ZNF85: variants seen among roughly 807,000 people sequenced by gnomAD.
The protein encoded by ZNF85 is zinc finger protein 85 (HPF4, HTF1).
In ZNF85, 50 loss-of-function variants were observed where a neutral mutation model predicts 53.9. The ratio of observed to expected loss-of-function variants is 0.93; its 90% CI spans 0.74 to 1.17. The LOEUF (loss-of-function observed/expected upper bound fraction) is 1.17, where lower values mean the gene tolerates loss of function less well. Ranked by LOEUF, ZNF85 falls within the 50% of genes most tolerant of loss-of-function variation. The pLI, the probability that ZNF85 is intolerant of heterozygous loss-of-function variation, is 0.00. For synonymous variants in ZNF85, 225 were observed against 226.1 expected (o/e 1.00, Z 0.04); for missense variants, 747 against 688.5 (o/e 1.08, Z -0.95).
intron 2 of ZNF85, 109 bp from the exon 3 acceptor site, chr19:20,934,840 G>A (rs570017638): frequency 3.8e-5 from 20 of 532,940 alleles, no homozygotes; most frequent in Non-Finnish European, 6.1e-6. Flanking sequence ...ATTTGAAAAT[G>A]TCTGTTATAA....
intron 1 of ZNF85, among the ~76,000 whole-genome samples, chr19:20,932,142 A>G (rs1973038071): frequency 6.6e-6 from 1 of 152,170 alleles, no homozygotes; most frequent in African/African-American, 2.4e-5. Flanking sequence ...TTAAAGACAT[A>G]TTCTCAACAT....
At position 20,950,432 on chromosome 19, in the gene ZNF85, A is replaced by G. The variant is rs938070662; in HGVS notation, c.*130A>G. On this transcript the variant is annotated 3_prime_UTR_variant, in exon 4 of 4. Transcript: ENST00000328178. ...ACACCTCAGACTTATAAAAGTAATC[A>G]TACTGGTGAGAAATTCTAAAAATGT... The G allele has an allele frequency of 1.3e-5, 8 of 632,174 alleles. No individual in the cohort carries two copies. Among genetic ancestry groups the G allele is most frequent in the East Asian group, 8.9e-5 (3 of 33,736 alleles). The allele number at this position is 632,174 out of a possible 1,614,324, so 39.2% of individuals were successfully genotyped here.
chr19:20,950,174 AC>A lies in ZNF85; in HGVS notation c.1661del (p.Thr554IlefsTer33). 6.2e-7 allele frequency: 1 copy of A among 1,613,346 alleles called. No homozygotes were observed. On this transcript the variant is annotated frameshift_variant, in exon 4 of 4. Transcript: ENST00000328178. LOFTEE classifies it high-confidence loss of function. ...GKAFNQSSNL[T>X]KHKRIHTGEK... ...AGCCTTTAACCAGTCCTCAAACCTT[AC>A]TAAACATAAGAGAATTCATACTGGA... is the stretch of plus-strand genomic sequence containing the variant.
chr19:20,934,578 G>A (rs1413323380), intron 2 of ZNF85, among the ~76,000 whole-genome samples: 2 of 151,930 alleles, frequency 1.3e-5, no homozygotes, highest in Non-Finnish European at 2.9e-5. Context: ...GACCATCCTG[G>A]CTAACACGGT....
At chr19:20,933,178 G>T (rs1419553545) in intron 1 of ZNF85, among the ~76,000 whole-genome samples, 1 of 140,952 alleles carries the variant, frequency 7.1e-6, no homozygotes, top group East Asian at 2.1e-4. Flanking sequence ...GGGCAGCAGA[G>T]CGAGACTCCG....
rs1342366035 is a variant in ZNF85 at position 20,950,034 on chromosome 19, A to G, written c.1520A>G (p.Glu507Gly). The G allele has an allele frequency of 1.9e-6, 3 of 1,612,960 alleles. No homozygotes were observed. Among genetic ancestry groups the G allele is most frequent in the Non-Finnish European group, 2.5e-6 (3 of 1,179,752 alleles). The change falls in exon 4 of 4, where the codon GAG becomes GGG. Residue 507 changes from glutamate (E) to glycine (G), a missense_variant. Transcript: ENST00000328178. ...LTIHKIIHTG[E>G]KPYKCEECGK... ...ATCCATAAGATAATTCATACTGGAG[A>G]GAAACCATACAAATGTGAAGAATGT...
chr19:20,942,944 T>G (rs568618469), intron 3 of ZNF85: 1,074 of 553,070 alleles, frequency 1.9e-3, no homozygotes, highest in Non-Finnish European at 2.7e-3. Context: ...CCTGGCTAAT[T>G]TTTTGATTAT....
chr19:20,923,433 G>A (rs761308386), intron 1 of ZNF85, 30 bp downstream of exon 1: 6 of 1,613,960 alleles, frequency 3.7e-6, no homozygotes, highest in Non-Finnish European at 5.1e-6. Context: ...CATCCCGAGG[G>A]GGAAAGGGGT....
At chr19:20,939,741 A>C (rs942775014) in intron 3 of ZNF85, among the ~76,000 whole-genome samples, 1 of 152,086 alleles carries the variant, frequency 6.6e-6, no homozygotes, top group African/African-American at 2.4e-5. Flanking sequence ...TATGACCCCC[A>C]GTCTGGAGTG....
chr19:20,949,659 T>A lies in ZNF85; in HGVS notation c.1145T>A (p.Phe382Tyr), dbSNP rs879034225. ...AAATGTGGAAAAGCCTTTAATCATT[T>A]CTCACACCTTACTACACATAAGATA... is the stretch of plus-strand genomic sequence containing the variant. ...CEKCGKAFNHFSHLTTHKIIH... is the reference protein window; with the variant it reads ...CEKCGKAFNHYSHLTTHKIIH... Residue 382 changes from phenylalanine to tyrosine, a missense_variant, in exon 4 of 4, where the codon TTC (phenylalanine) becomes TAC (tyrosine). Physicochemically the swap from Phe to Tyr is conservative, Grantham distance 22 (BLOSUM62 3). Coordinates refer to ENST00000328178, the MANE Select transcript of ZNF85 (RefSeq NM_003429.5). 6.2e-7 allele frequency: 1 copy of A among 1,608,960 alleles called. No homozygotes were observed. The highest frequency in any genetic ancestry group is 8.5e-7 in the Non-Finnish European group (1 of 1,178,360).
intron 3 of ZNF85, among the ~76,000 whole-genome samples, chr19:20,940,206 A>G (rs1973262974): frequency 6.6e-6 from 1 of 152,104 alleles, no homozygotes; most frequent in Admixed American, 6.6e-5. Flanking sequence ...TTTAAAACAC[A>G]TAAAGTTTGT....
Position 20,929,837 on chromosome 19 carries a change from T to G in ZNF85, c.4-4187T>G, listed in dbSNP as rs73005114. Among the ~76,000 whole-genome samples the G allele has an allele frequency of 1.9e-3, 296 of 152,212 alleles. 2 individuals are homozygous for G. The highest frequency in any genetic ancestry group is 6.5e-3 in the African/African-American group (269 of 41,530). On this transcript the variant is annotated intron_variant, in intron 1 of 3. Transcript: ENST00000328178. ...AATTTGTTAGAAGAAATCAAAGTTT[T>G]GGGCCAGGCGTGGTGGCTTACGCCT...
At position 20,950,318 on chromosome 19, in the gene ZNF85, T is replaced by C. The variant is rs547433359; in HGVS notation, c.*16T>C. On this transcript the variant is annotated 3_prime_UTR_variant, in exon 4 of 4. Coordinates refer to ENST00000328178, the MANE Select transcript of ZNF85 (RefSeq NM_003429.5). ...ACAAATATGAAAATTATGGCAAAGCTTTAATCAATTTACAAGTCTTACTAA... is the reference window on the plus strand; with the variant it reads ...ACAAATATGAAAATTATGGCAAAGCCTTAATCAATTTACAAGTCTTACTAA... The C allele has an allele frequency of 6.0e-6, 9 of 1,489,056 alleles. No homozygotes were observed. In the African/African-American group the frequency reaches 1.3e-4, roughly 21 times the overall value. 92.2% of individuals were successfully genotyped at this position (1,489,056 alleles called of 1,614,324 possible).
chr19:20,941,286 C>T (rs1599441401), intron 3 of ZNF85, among the ~76,000 whole-genome samples: 1 of 151,810 alleles, frequency 6.6e-6, no homozygotes, highest in Non-Finnish European at 1.5e-5. Context: ...CCCACTCTTC[C>T]TGCCCCAGGT....
intron 1 of ZNF85, among the ~76,000 whole-genome samples, chr19:20,933,638 C>T (rs919970312): frequency 6.6e-6 from 1 of 152,168 alleles, no homozygotes; most frequent in African/African-American, 2.4e-5. Flanking sequence ...TACCTTCTAA[C>T]TCAACCTGTC....
At chr19:20,926,091 C>T (rs1273697343) in intron 1 of ZNF85, among the ~76,000 whole-genome samples, 3 of 151,950 alleles carry the variant, frequency 2.0e-5, no homozygotes, top group Non-Finnish European at 2.9e-5. Flanking sequence ...AGAATGTTAT[C>T]AGGGAAAAAA....
intron 1 of ZNF85, among the ~76,000 whole-genome samples, chr19:20,926,215 T>C (rs1054193862): frequency 6.6e-6 from 1 of 152,184 alleles, no homozygotes; most frequent in Non-Finnish European, 1.5e-5. Context: ...ATTTCTCTTT[T>C]TGCAGGGTAA....
chr19:20,942,195 C>T (rs1482749270), intron 3 of ZNF85, among the ~76,000 whole-genome samples: 1 of 151,034 alleles, frequency 6.6e-6, no homozygotes, highest in African/African-American at 2.4e-5. Flanking sequence ...GAGACAGAGT[C>T]TCTCACTGTT....
At position 20,923,630 on chromosome 19, in the gene ZNF85, G is replaced by C. The variant is rs558831171; in HGVS notation, c.3+227G>C. Among the ~76,000 whole-genome samples the C allele has an allele frequency of 1.1e-4, 16 of 152,288 alleles. No individual in the cohort carries two copies. In the South Asian group the frequency reaches 3.1e-3, roughly 30 times the overall value. On this transcript the variant is annotated intron_variant, in intron 1 of 3. Transcript: ENST00000328178. ...TGCGCAGTGACTGTGCCCTGGACTG[G>C]AGCCCTCTCTGGGCAGCTCTGCATT...
Sources: allele counts gnomAD v4.1 joint callset (sites outside exome capture counted in the v4.1 genomes callset), GRCh38; gene constraint gnomAD v4.1.1; transcripts MANE v1.5; gene names NCBI Gene and HGNC (gene_info 2026-07-23, HGNC 2026-07-21).